ATP9B: variants seen among roughly 807,000 people sequenced by gnomAD.
ATP9B encodes probable phospholipid-transporting ATPase IIB.
Under a neutral mutation model 146.1 loss-of-function variants are expected in ATP9B, and 110 were observed. That is an observed-to-expected ratio of 0.75 (90% CI 0.65 to 0.88). The LOEUF is 0.88. Among genes scored for constraint, ATP9B ranks in the 40% least tolerant of loss-of-function variants. The probability of loss-of-function intolerance (pLI) is 0.00; values close to 1 mark genes in which losing one functional copy is unlikely to be tolerated. For synonymous variants in ATP9B, 604 were observed against 569.7 expected, an observed-to-expected ratio of 1.06 and a Z score of -0.86; for missense variants, 1,499 against 1,496.4, an observed-to-expected ratio of 1.00 and a Z score of -0.03.
In ATP9B at chr18:79,307,087, T is replaced by C. The variant is rs932974794; in HGVS notation, c.1626T>C (p.His542=). 4 of 1,614,074 alleles carry C rather than the reference T, an allele frequency of 2.5e-6. No homozygotes were observed. Among genetic ancestry groups the C allele is most frequent in the Non-Finnish European group, 3.4e-6 (4 of 1,180,040 alleles). ...GGAAAAGTGTCAGTAGTCGAATCCA[T>C]GAAGCCGTGAAAGCCATCGTGCTGT... ...KVRKSVSSRI[H]EAVKAIVLCH... The change falls in exon 15 of 30, where the codon CAT becomes CAC. Residue 542 remains histidine, a synonymous_variant. Transcript: ENST00000426216.
chr18:79,236,486 G>A (rs888441569), intron 11 of ATP9B, among the ~76,000 whole-genome samples: 1 of 151,368 alleles, frequency 6.6e-6, no homozygotes, highest in African/African-American at 2.4e-5. Flanking sequence ...TTTTTTTTAT[G>A]GTTTAAGAAC....
chr18:79,162,975 C>T (rs1490323369), intron 7 of ATP9B, among the ~76,000 whole-genome samples: 2 of 152,204 alleles, frequency 1.3e-5, no homozygotes, highest in Admixed American at 6.5e-5. Context: ...AGCCTGTTGA[C>T]TCTTGTCAGT....
chr18:79,119,777 G>A (rs1209955775), intron 4 of ATP9B, among the ~76,000 whole-genome samples: 1 of 152,178 alleles, frequency 6.6e-6, no homozygotes, highest in Non-Finnish European at 1.5e-5. Context: ...GATAACAAAT[G>A]ATGAATAGTA....
intron 7 of ATP9B, among the ~76,000 whole-genome samples, chr18:79,176,517 G>GT (rs918587269): frequency 3.3e-5 from 5 of 152,166 alleles, no homozygotes; most frequent in Non-Finnish European, 7.4e-5. Context: ...GATCAATGCA[G>GT]TTTTTCTAAA....
chr18:79,109,150 TTC>T (rs1371489257), intron 2 of ATP9B, among the ~76,000 whole-genome samples: 3 of 152,360 alleles, frequency 2.0e-5, no homozygotes, highest in Admixed American at 6.5e-5. Context: ...ACGGCAGGCT[TTC>T]TATTCTAGCC....
intron 13 of ATP9B, among the ~76,000 whole-genome samples, chr18:79,290,456 A>G (rs895971399): frequency 6.6e-6 from 1 of 152,108 alleles, no homozygotes; most frequent in Non-Finnish European, 1.5e-5. Flanking sequence ...GCCCTTTTTT[A>G]AGCCCGTCAG....
intron 1 of ATP9B, among the ~76,000 whole-genome samples, chr18:79,073,012 G>A (rs895153686): frequency 4.0e-5 from 6 of 151,184 alleles, no homozygotes; most frequent in East Asian, 3.9e-4. Context: ...AGGAAGAGGC[G>A]CTCCTCACTT....
chr18:79,277,232 CA>C, intron 13 of ATP9B, 36 bp downstream of exon 13: 1 of 1,608,540 alleles, frequency 6.2e-7, no homozygotes, highest in Non-Finnish European at 8.5e-7. Flanking sequence ...TTTGAATGGA[CA>C]AAATGACATT....
intron 11 of ATP9B, among the ~76,000 whole-genome samples, chr18:79,234,530 C>G (rs2095821178): frequency 6.6e-6 from 1 of 152,220 alleles, no homozygotes; most frequent in Non-Finnish European, 1.5e-5. Context: ...ACGGCCAGCT[C>G]CGCCACTACA....
intron 7 of ATP9B, among the ~76,000 whole-genome samples, chr18:79,161,536 A>G (rs961211905): frequency 6.6e-6 from 1 of 152,138 alleles, no homozygotes. Context: ...TTAAAATAAT[A>G]GTTACTCAAA....
Position 79,342,271 on chromosome 18 carries a change from T to G in ATP9B, c.2287T>G (p.Trp763Gly), listed in dbSNP as rs1470238706. Residue 763 changes from tryptophan (W) to glycine (G), a missense_variant, in exon 20 of 30, where the codon TGG (tryptophan) becomes GGG (glycine). Physicochemically the swap from Trp to Gly is radical, Grantham distance 184. Transcript: ENST00000426216. ...ACCAGTTTAAATTGTTCCCTAGATA[T>G]GGATGCTAACAGGCGATAAACTCGA... ...EMLRNAGIKIWMLTGDKLETA... is the reference protein window; with the variant it reads ...EMLRNAGIKIGMLTGDKLETA... 13 of 1,611,764 alleles carry G rather than the reference T, an allele frequency of 8.1e-6. No individual in the cohort carries two copies. Among genetic ancestry groups the G allele is most frequent in the African/African-American group, 1.3e-5 (1 of 75,004 alleles).
Position 79,336,666 on chromosome 18 carries a change from G to C in ATP9B, c.2067G>C (p.Val689=). ...NMAREGLRTL[V]VAKKALTEEQ... ...CTCGCGAAGGACTGCGGACCCTCGTGGTTGCAAAGAAGGCGTTGACAGAGG... is the reference window on the plus strand; with the variant it reads ...CTCGCGAAGGACTGCGGACCCTCGTCGTTGCAAAGAAGGCGTTGACAGAGG... The change falls in exon 18 of 30, where the codon GTG becomes GTC. Residue 689 remains valine (V), a synonymous_variant. Transcript: ENST00000426216. 1 of 1,613,156 alleles carries C rather than the reference G, an allele frequency of 6.2e-7. No homozygotes were observed. The highest frequency in any genetic ancestry group is 1.1e-5 in the South Asian group (1 of 90,866).
At chr18:79,250,305 CTTTAT>C (rs1352091092) in intron 11 of ATP9B, among the ~76,000 whole-genome samples, 2 of 152,132 alleles carry the variant, frequency 1.3e-5, no homozygotes, top group Non-Finnish European at 2.9e-5. Flanking sequence ...GACAGTGATT[CTTTAT>C]TTTATTACAA....
intron 5 of ATP9B, among the ~76,000 whole-genome samples, chr18:79,128,559 T>C (rs950883188): frequency 6.6e-6 from 1 of 152,202 alleles, no homozygotes; most frequent in Non-Finnish European, 1.5e-5. Context: ...AGGTAAGCCT[T>C]AGTATTGGAG....
chr18:79,206,682 C>T (rs1306647141), intron 9 of ATP9B, among the ~76,000 whole-genome samples: 1 of 151,916 alleles, frequency 6.6e-6, no homozygotes, highest in Non-Finnish European at 1.5e-5. Flanking sequence ...ATAGTACTTT[C>T]ATGAAAATTT....
chr18:79,170,432 C>T lies in ATP9B; in HGVS notation c.779-6381C>T, dbSNP rs191852875. ...AATATTTAGAGGTTAAGTCCAGTTA[C>T]TTGCATTATTTATCTCTTTACTGCA... On this transcript the variant is annotated intron_variant, in intron 7 of 29. Coordinates refer to ENST00000426216, the MANE Select transcript of ATP9B (RefSeq NM_198531.5). Among the ~76,000 whole-genome samples the T allele has an allele frequency of 2.5e-3, 359 of 146,250 alleles. 2 individuals are homozygous for T. The highest frequency in any genetic ancestry group is 9.7e-3 in the African/African-American group (349 of 35,974).
intron 25 of ATP9B, 52 bp downstream of exon 25, chr18:79,348,248 GA>G (rs56654324): frequency 0.05 from 39,696 of 796,200 alleles, 297 homozygotes; most frequent in African/African-American, 0.095. Flanking sequence ...CTTCTATTTT[GA>G]AAAAAAAAAA....
intron 26 of ATP9B, among the ~76,000 whole-genome samples, chr18:79,366,431 CA>C (rs925686872): frequency 2.5e-4 from 38 of 152,314 alleles, no homozygotes; most frequent in African/African-American, 8.9e-4. Context: ...AGGCTGAAGA[CA>C]AAAAGAACTG....
intron 15 of ATP9B, among the ~76,000 whole-genome samples, chr18:79,310,404 A>G (rs932300284): frequency 1.3e-5 from 2 of 152,258 alleles, no homozygotes; most frequent in Non-Finnish European, 2.9e-5. Flanking sequence ...CAAAGAAGAC[A>G]GAACAGAATA....
Sources: allele counts gnomAD v4.1 joint callset (sites outside exome capture counted in the v4.1 genomes callset), GRCh38; gene constraint gnomAD v4.1.1; transcripts MANE v1.5; gene names NCBI Gene and HGNC (gene_info 2026-07-23, HGNC 2026-07-21).